The following CLTCL1 variants were observed in gnomAD, a reference collection of about 807,000 sequenced individuals.
CLTCL1 encodes the protein clathrin heavy chain 2.
CLTCL1 carries 159 observed loss-of-function variants against 190.0 expected under a neutral mutation model. The ratio of observed to expected loss-of-function variants is 0.84; its 90% confidence interval spans 0.74 to 0.95. CLTCL1 has a LOEUF of 0.95. Among genes scored for constraint, CLTCL1 ranks in the 40% least tolerant of loss-of-function variants. The pLI is 0.00. For missense variants in CLTCL1, 1,878 were observed against 2,033.4 expected (o/e 0.92, Z 1.47); for synonymous variants, 752 against 769.6 (o/e 0.98, Z 0.38).
chr22:19,275,761 T>A lies in CLTCL1; in HGVS notation c.112A>T (p.Ile38Leu). 6.2e-7 allele frequency: 1 copy of A among 1,610,316 alleles called. No homozygotes were observed. Among genetic ancestry groups the A allele is most frequent in the Non-Finnish European group, 8.5e-7 (1 of 1,178,326 alleles). ...TCACCAACTTTCTCTCGGATACATA[T>A]GAACTTGTCAGATTCCATGGTCAGT... ...STLTMESDKF[I>L]CIREKVGEQA... The change falls in exon 2 of 33, where the codon ATA (isoleucine) becomes TTA (leucine). Residue 38 changes from isoleucine (I) to leucine (L), a missense_variant. By Grantham distance (5) the Ile-to-Leu change is conservative. Transcript: ENST00000427926.
intron 3 of CLTCL1, among the ~76,000 whole-genome samples, chr22:19,253,203 T>C (rs2146076357): frequency 6.6e-6 from 1 of 152,222 alleles, no homozygotes; most frequent in South Asian, 2.1e-4. Context: ...ATGTTAACCA[T>C]CTAGATGCTG....
intron 4 of CLTCL1, 66 bp from the exon 5 acceptor site, chr22:19,239,454 C>A: frequency 8.5e-7 from 1 of 1,178,988 alleles, no homozygotes; most frequent in Non-Finnish European, 1.3e-6. Context: ...CTAGTCAAGG[C>A]ACAGAGGCAA....
chr22:19,206,375 T>G (rs942205266), intron 22 of CLTCL1, among the ~76,000 whole-genome samples: 1 of 152,114 alleles, frequency 6.6e-6, no homozygotes, highest in Admixed American at 6.5e-5. Context: ...TCCAAGTAGC[T>G]GTGATTACAA....
chr22:19,183,472 A>C lies in CLTCL1; in HGVS notation c.4745T>G (p.Val1582Gly). Reference sequence around the variant, plus strand: ...GTTGTGCCTCCAGGCCAGCTCAAGCACCATGTCTGGGCGAAGCAGGTCATA... The same window carrying C: ...GTTGTGCCTCCAGGCCAGCTCAAGCCCCATGTCTGGGCGAAGCAGGTCATA... The part of the protein sequence containing the change: ...TCYDLLRPDM[V>G]LELAWRHNLV... Residue 1582 changes from valine (V) to glycine (G), a missense_variant, in exon 30 of 33, where the codon GTG becomes GGG. By Grantham distance (109) the Val-to-Gly change is moderately radical. Coordinates refer to ENST00000427926, the MANE Select transcript of CLTCL1 (RefSeq NM_007098.4). The C allele has an allele frequency of 1.2e-6, 2 of 1,613,730 alleles. No homozygotes were observed. The highest frequency in any genetic ancestry group is 1.7e-6 in the Non-Finnish European group (2 of 1,179,876).
At chr22:19,259,786 G>A (rs987604825) in intron 2 of CLTCL1, among the ~76,000 whole-genome samples, 6 of 152,160 alleles carry the variant, frequency 3.9e-5, no homozygotes, top group African/African-American at 1.4e-4. Context: ...AAAGGAAAGT[G>A]AAAGTGAAAG....
Position 19,286,373 on chromosome 22 carries a change from T to C in CLTCL1, c.42+5227A>G, listed in dbSNP as rs117799108. 1.1e-4 allele frequency among the ~76,000 whole-genome samples: 16 copies of C among 152,276 alleles called. No individual in the cohort carries two copies. The East Asian group carries it at 2.5e-3, about 24-fold the overall frequency. On this transcript the variant is annotated intron_variant, in intron 1 of 32. Coordinates refer to ENST00000427926, the MANE Select transcript of CLTCL1 (RefSeq NM_007098.4). ...CTAACTGGCCAGTATGTATTTCCAA[T>C]ACCAGAAGCAGTGGTAGGCCAACAG...
chr22:19,240,491 C>T (rs189497996), intron 4 of CLTCL1, among the ~76,000 whole-genome samples: 2 of 152,042 alleles, frequency 1.3e-5, no homozygotes, highest in East Asian at 3.9e-4. Flanking sequence ...CACTGAGAGC[C>T]GGGCCAATGG....
intron 3 of CLTCL1, among the ~76,000 whole-genome samples, chr22:19,243,887 C>T (rs191090511): frequency 2.0e-5 from 3 of 151,744 alleles, no homozygotes; most frequent in African/African-American, 4.8e-5. Flanking sequence ...TTAGTAGAGA[C>T]GGGGTTTCAC....
chr22:19,190,007 T>G (rs1179484451), intron 27 of CLTCL1, among the ~76,000 whole-genome samples: 1 of 152,106 alleles, frequency 6.6e-6, no homozygotes, highest in African/African-American at 2.4e-5. Flanking sequence ...AGTGCTGTGG[T>G]GCAATCTCGG....
At chr22:19,256,191 T>A (rs2086743500) in intron 2 of CLTCL1, among the ~76,000 whole-genome samples, 1 of 151,970 alleles carries the variant, frequency 6.6e-6, no homozygotes, top group South Asian at 2.1e-4. Flanking sequence ...AGGGCCTCAC[T>A]TTGTCACCCA....
intron 2 of CLTCL1, among the ~76,000 whole-genome samples, chr22:19,264,382 C>A (rs1555976985): frequency 6.6e-6 from 1 of 152,054 alleles, no homozygotes; most frequent in African/African-American, 2.4e-5. Context: ...AAAGAGATGG[C>A]AGTTCCTCAA....
Position 19,275,719 on chromosome 22 carries a change from T to A in CLTCL1, c.154A>T (p.Ile52Phe). 6.2e-7 allele frequency: 1 copy of A among 1,607,714 alleles called. No homozygotes were observed. Among genetic ancestry groups the A allele is most frequent in the Non-Finnish European group, 8.5e-7 (1 of 1,177,078 alleles). Residue 52 changes from isoleucine (I) to phenylalanine (F), a missense_variant, in exon 2 of 33, where the codon ATC (isoleucine) becomes TTC (phenylalanine). By Grantham distance (21) the Ile-to-Phe change is conservative (BLOSUM62 0). Coordinates refer to ENST00000427926, the MANE Select transcript of CLTCL1 (RefSeq NM_007098.4). ...EKVGEQAQVT[I>F]IDMSDPMAPI... Reference sequence around the variant, plus strand: ...GCCATTGGGTCACTCATGTCAATGATCGTGACCTGTGCCTGCTCACCAACT... The same window carrying A: ...GCCATTGGGTCACTCATGTCAATGAACGTGACCTGTGCCTGCTCACCAACT...
intron 2 of CLTCL1, chr22:19,257,889 G>A: frequency 7.3e-7 from 1 of 1,377,650 alleles, no homozygotes; most frequent in South Asian, 1.1e-5. Flanking sequence ...GAGACCCCAG[G>A]TCAGAGACTG....
At position 19,243,052 on chromosome 22, in the gene CLTCL1, G is replaced by C. The variant is rs2145962601; in HGVS notation, c.520-116C>G. 6 of 970,916 alleles carry C rather than the reference G, an allele frequency of 6.2e-6. No homozygotes were observed. The South Asian group carries it at 1.2e-4, about 19-fold the overall frequency. The allele number at this position is 970,916 out of a possible 1,614,324, so 60.1% of individuals were successfully genotyped here. A position where few individuals can be genotyped will look rare whatever the true frequency, so the allele number is the denominator to read the frequency against. Reference sequence around the variant, plus strand: ...ATACATTAGAGGTATACTTCCTCTAGTAAAAATTAAATGTATTAGCTATTA... The same window carrying C: ...ATACATTAGAGGTATACTTCCTCTACTAAAAATTAAATGTATTAGCTATTA... On this transcript the variant is annotated intron_variant, in intron 3 of 32. Transcript: ENST00000427926.
rs552850920 is a variant in CLTCL1, at chr22:19,225,644, G to A, written c.1948-11C>T. 9.0e-6 allele frequency: 14 copies of A among 1,563,338 alleles called. No individual in the cohort carries two copies. The South Asian group carries it at 1.3e-4, about 15-fold the overall frequency. ...GAAATTGACAAGCCACTGGGAACAA[G>A]GAAGAGTCTGTCCACAACGATGCAC... On this transcript the variant is annotated splice_polypyrimidine_tract_variant and intron_variant, in intron 12 of 32. Coordinates refer to ENST00000427926, the MANE Select transcript of CLTCL1 (RefSeq NM_007098.4).
intron 2 of CLTCL1, among the ~76,000 whole-genome samples, chr22:19,274,405 A>T (rs1601714259): frequency 6.6e-6 from 1 of 152,342 alleles, no homozygotes; most frequent in African/African-American, 2.4e-5. Context: ...AAAGTAAGAG[A>T]CAGATAAAAG....
At chr22:19,201,127 G>A (rs2084867278) in intron 23 of CLTCL1, among the ~76,000 whole-genome samples, 1 of 152,162 alleles carries the variant, frequency 6.6e-6, no homozygotes, top group African/African-American at 2.4e-5. Flanking sequence ...CTACCTCTGG[G>A]GGCCAACTGG....
At chr22:19,187,520 G>A (rs2084351569) in intron 29 of CLTCL1, 38 bp downstream of exon 29, 24 of 1,590,260 alleles carry the variant, frequency 1.5e-5, no homozygotes, top group Non-Finnish European at 2.1e-5. Flanking sequence ...AACACACCAA[G>A]GCAGGAAGGT....
At chr22:19,243,906 C>T (rs1351736058) in intron 3 of CLTCL1, among the ~76,000 whole-genome samples, 1 of 151,906 alleles carries the variant, frequency 6.6e-6, no homozygotes, top group Non-Finnish European at 1.5e-5. Flanking sequence ...ACCATGTTGG[C>T]CAGGATGGTC....
Sources: gnomAD v4.1 joint callset for allele counts (sites outside exome capture counted in the v4.1 genomes callset) on GRCh38, gnomAD v4.1.1 for gene constraint, MANE v1.5 for transcripts, NCBI Gene and HGNC (gene_info 2026-07-23, HGNC 2026-07-21) for gene names.